Variants in CD5L observed in about 807,000 individuals in gnomAD.
The protein encoded by CD5L is CD5 antigen-like.
CD5L carries 39 observed loss-of-function variants against 40.8 expected under a neutral mutation model. The observed-to-expected ratio is 0.96, with a 90% confidence interval of 0.74 to 1.25. CD5L has a LOEUF of 1.25. Ranked by LOEUF, CD5L falls within the 50% of genes most tolerant of loss-of-function variation. The pLI is 0.00. For synonymous variants in CD5L, 192 were observed against 169.6 expected, an observed-to-expected ratio of 1.13 and a Z score of -1.03; for missense variants, 433 against 435.9, an observed-to-expected ratio of 0.99 and a Z score of 0.06.
intron 2 of CD5L, among the ~76,000 whole-genome samples, chr1:157,836,564 T>A (rs1341648477): frequency 3.3e-5 from 5 of 152,236 alleles, no homozygotes; most frequent in African/African-American, 1.2e-4. Flanking sequence ...GTTATGGTCC[T>A]ATGGCTACAT....
In CD5L at chr1:157,831,172, T is replaced by C. The variant is rs1019349802; in HGVS notation, c.*792A>G. 3 of 985,254 alleles carry C rather than the reference T, an allele frequency of 3.0e-6. No homozygotes were observed. Among genetic ancestry groups the C allele is most frequent in the South Asian group, 9.4e-5 (2 of 21,282 alleles). The allele number at this position is 985,254 out of a possible 1,614,324, so 61.0% of individuals were successfully genotyped here. The stretch of plus-strand genomic sequence containing the variant: ...TCTTTCTGCCTCTTTCTTGACCTTT[T>C]CCCAGTAACCAATATATTTTTCTTT... On this transcript the variant is annotated 3_prime_UTR_variant, in exon 6 of 6. Coordinates refer to ENST00000368174, the MANE Select transcript of CD5L (RefSeq NM_005894.3).
Position 157,835,914 on chromosome 1 carries a change from T to C in CD5L, c.297A>G (p.Thr99=). Residue 99 remains threonine, a synonymous_variant, in exon 3 of 6, where the codon ACA becomes ACG. Coordinates refer to ENST00000368174, the MANE Select transcript of CD5L (RefSeq NM_005894.3). ...GCTCACACTGAGCCAATGTATCTTC[T>C]GTTCCTGTGCAACTGACTGATTGGA... The part of the protein sequence containing the change: ...VLIQSVSCTG[T]EDTLAQCEQE... The C allele has an allele frequency of 6.2e-7, 1 of 1,614,234 alleles. No homozygotes were observed.
rs144252738 is a variant in CD5L, at chr1:157,839,395, G to C, written c.44C>G (p.Pro15Arg). The change falls in exon 2 of 6, where the codon CCT becomes CGT. Residue 15 changes from proline (P) to arginine (R), a missense_variant. Transcript: ENST00000368174. ...CCCAAAAATCTTACCTAGGAATCCA[G>C]GTCTGGTGCAAATGGCTGGGGAAGA... ...FSLILAICTR[P>R]GFLASPSGVR... is the part of the protein sequence containing the mutation. 929 of 1,613,472 alleles carry C rather than the reference G, an allele frequency of 5.8e-4. 6 individuals are homozygous for C. The African/African-American group carries it at 0.011, about 19-fold the overall frequency.
intron 2 of CD5L, among the ~76,000 whole-genome samples, 181 bp downstream of exon 2, chr1:157,839,203 C>G (rs1259067813): frequency 6.6e-6 from 1 of 152,210 alleles, no homozygotes; most frequent in East Asian, 1.9e-4. Flanking sequence ...ACCACCCAAA[C>G]CCTTCTAAAT....
chr1:157,833,882 A>G (rs1013237688), intron 4 of CD5L, among the ~76,000 whole-genome samples: 1 of 148,480 alleles, frequency 6.7e-6, no homozygotes, highest in Non-Finnish European at 1.5e-5. Context: ...TAGTGCTGGT[A>G]TTATAGGCAT....
chr1:157,829,868 G>A (rs1656001597), downstream of CD5L, among the ~76,000 whole-genome samples: 1 of 152,168 alleles, frequency 6.6e-6, no homozygotes, highest in African/African-American at 2.4e-5. Context: ...AGGCAAGGAT[G>A]AGAAACCAAA....
chr1:157,836,393 G>C (rs1386031888), intron 2 of CD5L, among the ~76,000 whole-genome samples: 1 of 152,188 alleles, frequency 6.6e-6, no homozygotes, highest in Non-Finnish European at 1.5e-5. Flanking sequence ...AAGATACCTG[G>C]ACATGACTGC....
chr1:157,838,648 C>T (rs4111790), intron 2 of CD5L, among the ~76,000 whole-genome samples: 5,465 of 151,978 alleles, frequency 0.036, 322 homozygotes, highest in African/African-American at 0.12. Context: ...ACAAGAAATT[C>T]AGCTTGAGGA....
At chr1:157,838,871 G>A (rs1210749972) in intron 2 of CD5L, among the ~76,000 whole-genome samples, 1 of 152,108 alleles carries the variant, frequency 6.6e-6, no homozygotes, top group East Asian at 1.9e-4. Flanking sequence ...CATTCTCTCT[G>A]TGCACCCTTT....
chr1:157,837,365 TTTTG>T (rs1049144170), intron 2 of CD5L, among the ~76,000 whole-genome samples: 1 of 68,418 alleles, frequency 1.5e-5, no homozygotes, highest in African/African-American at 5.8e-5. Context: ...TACATTTCTG[TTTTG>T]TTTGTTTGTT....
At chr1:157,834,841 T>G in intron 3 of CD5L, 93 bp from the exon 4 acceptor site, 1 of 960,470 alleles carries the variant, frequency 1.0e-6, no homozygotes. Context: ...CAGTTCTTGG[T>G]GTTCAGTACA....
At chr1:157,836,323 C>T (rs1206222633) in intron 2 of CD5L, among the ~76,000 whole-genome samples, 168 bp from the exon 3 acceptor site, 4 of 152,110 alleles carry the variant, frequency 2.6e-5, no homozygotes, top group South Asian at 2.1e-4. Context: ...TTCAGAACTC[C>T]GTGTCTGAGT....
In CD5L at chr1:157,831,095, G is replaced by C; in HGVS notation, c.*869C>G. On this transcript the variant is annotated 3_prime_UTR_variant, in exon 6 of 6. Transcript: ENST00000368174. ...AAGTCTCAGTTGATAAAGTGAAAATGATATTTTTCACTTTCGCTTGGCATA... is the reference window on the plus strand; with the variant it reads ...AAGTCTCAGTTGATAAAGTGAAAATCATATTTTTCACTTTCGCTTGGCATA... 6 of 985,284 alleles carry C rather than the reference G, an allele frequency of 6.1e-6. No individual in the cohort carries two copies. The highest frequency in any genetic ancestry group is 7.2e-6 in the Non-Finnish European group (6 of 829,872). The allele number at this position is 985,284 out of a possible 1,614,324, so 61.0% of individuals were successfully genotyped here.
intron 3 of CD5L, 90 bp downstream of exon 3, chr1:157,835,745 G>A: frequency 9.4e-7 from 1 of 1,065,816 alleles, no homozygotes; most frequent in Non-Finnish European, 1.4e-6. Context: ...GCCATTGTGT[G>A]AACGTCTATG....
Position 157,831,384 on chromosome 1 carries a change from C to T in CD5L, c.*580G>A, listed in dbSNP as rs1656042681. On this transcript the variant is annotated 3_prime_UTR_variant, in exon 6 of 6. Transcript: ENST00000368174. ...TGCTCCTGAAAGAATTGTCTACCTA[C>T]ACTAAGAAATAACAGAATAGGGAGG... The T allele has an allele frequency of 1.0e-6, 1 of 984,680 alleles. No homozygotes were observed. The highest frequency in any genetic ancestry group is 1.2e-6 in the Non-Finnish European group (1 of 829,776). 61.0% of individuals were successfully genotyped at this position (984,680 alleles called of 1,614,324 possible). A position where few individuals can be genotyped will look rare whatever the true frequency, so the allele number is the denominator to read the frequency against.
downstream of CD5L, among the ~76,000 whole-genome samples, chr1:157,827,485 G>T (rs183520015): frequency 6.6e-6 from 1 of 152,244 alleles, no homozygotes; most frequent in East Asian, 1.9e-4. Flanking sequence ...GAGAATCAGG[G>T]GCACCAAGTA....
intron 2 of CD5L, among the ~76,000 whole-genome samples, chr1:157,836,702 G>C (rs1656225808): frequency 6.6e-6 from 1 of 152,172 alleles, no homozygotes; most frequent in African/African-American, 2.4e-5. Flanking sequence ...AATTCGGGCT[G>C]AACAGCCTAA....
Position 157,833,464 on chromosome 1 carries a change from C to T in CD5L, c.767G>A (p.Arg256Gln), listed in dbSNP as rs147572124. The T allele has an allele frequency of 1.4e-5, 22 of 1,613,946 alleles. No individual in the cohort carries two copies. Among genetic ancestry groups the T allele is most frequent in the Middle Eastern group, 1.6e-4 (1 of 6,082 alleles). Residue 256 changes from arginine (R) to glutamine (Q), a missense_variant, in exon 5 of 6, where the codon CGA becomes CAA. Arg to Gln is a conservative substitution (Grantham distance 43). Transcript: ENST00000368174. Reference protein sequence around the residue: ...LVGGDNLCSGRLEVLHKGVWG... With the variant: ...LVGGDNLCSGQLEVLHKGVWG... ...TACGCCCTTGTGCAGCACCTCCAGT[C>T]GCCCAGAGCAGAGGTTGTCTCCTCC...
chr1:157,838,734 C>G (rs1656286416), intron 2 of CD5L, among the ~76,000 whole-genome samples: 1 of 152,046 alleles, frequency 6.6e-6, no homozygotes, highest in African/African-American at 2.4e-5. Context: ...ATTCTCCACA[C>G]CAATAGCAAT....
Sources: allele counts gnomAD v4.1 joint callset (sites outside exome capture counted in the v4.1 genomes callset), GRCh38; gene constraint gnomAD v4.1.1; transcripts MANE v1.5; gene names NCBI Gene and HGNC (gene_info 2026-07-23, HGNC 2026-07-21).